Variants in GRM8 observed in about 807,000 individuals in gnomAD.
GRM8 encodes the protein metabotropic glutamate receptor 8.
Under a neutral mutation model 87.2 loss-of-function variants are expected in GRM8, and 47 were observed. The observed-to-expected ratio is 0.54, with a 90% CI of 0.43 to 0.69. GRM8 has a LOEUF of 0.69. GRM8 is among the 30% of genes least tolerant of loss of function. The pLI, the probability that GRM8 is intolerant of heterozygous loss-of-function variation, is 0.00. For missense variants in GRM8, 1,019 were observed against 1,139.2 expected (o/e 0.89, Z 1.52); for synonymous variants, 396 against 404.5 (o/e 0.98, Z 0.25).
chr7:127,024,487 T>C (rs958813620), intron 3 of GRM8, among the ~76,000 whole-genome samples: 8 of 152,058 alleles, frequency 5.3e-5, no homozygotes, highest in African/African-American at 1.9e-4. Context: ...ACTGTGGAAC[T>C]GGGTCTCCCT....
chr7:126,495,685 C>T (rs766240), intron 9 of GRM8, among the ~76,000 whole-genome samples: 48,910 of 151,770 alleles, frequency 0.32, 8,261 homozygotes, highest in South Asian at 0.41. Flanking sequence ...TTTGTAAAGA[C>T]AGCAACTATC....
At chr7:126,813,017 G>A (rs537681703) in intron 6 of GRM8, among the ~76,000 whole-genome samples, 18 of 152,118 alleles carry the variant, frequency 1.2e-4, no homozygotes, top group Middle Eastern at 3.4e-3. Context: ...ACCAGGGGTT[G>A]TAGGGTGGGA....
At chr7:126,504,030 T>A (rs1366420954) in intron 9 of GRM8, among the ~76,000 whole-genome samples, 1 of 152,052 alleles carries the variant, frequency 6.6e-6, no homozygotes, top group African/African-American at 2.4e-5. Flanking sequence ...AATTAGGGGT[T>A]GTTCTGTTAC....
In GRM8 at chr7:127,249,588, C is replaced by T. The variant is rs142327264; in HGVS notation, c.-312+3209G>A. ...TGGGATGAGACAATATTATGCTCAG[C>T]GTCCCTCCCAGTGAGTGGGTGAGTT... On this transcript the variant is annotated intron_variant, in intron 1 of 10. Transcript: ENST00000339582. Among the ~76,000 whole-genome samples, 332 of 152,150 alleles carry T rather than the reference C, an allele frequency of 2.2e-3. 1 individual carries two copies. Among genetic ancestry groups the T allele is most frequent in the Non-Finnish European group, 3.9e-3 (263 of 68,014 alleles).
At chr7:126,834,333 T>A (rs1795655858) in intron 6 of GRM8, among the ~76,000 whole-genome samples, 2 of 152,342 alleles carry the variant, frequency 1.3e-5, no homozygotes, top group South Asian at 4.1e-4. Context: ...CATATCCTAA[T>A]GGAGTCACTC....
In GRM8 at chr7:127,091,301, T is replaced by G. The variant is rs1824039494; in HGVS notation, c.727+15195A>C. 2.0e-5 allele frequency among the ~76,000 whole-genome samples: 3 copies of G among 151,610 alleles called. No individual in the cohort carries two copies. The South Asian group carries it at 6.3e-4, about 32-fold the overall frequency. On this transcript the variant is annotated intron_variant, in intron 3 of 10. Transcript: ENST00000339582. ...CCACTGATCATCCTCCCCATCCCAC[T>G]GGCCATCCCCCAGTTCCACTGATCA...
chr7:126,453,888 G>T (rs1487182988), intron 9 of GRM8, among the ~76,000 whole-genome samples: 1 of 151,618 alleles, frequency 6.6e-6, no homozygotes, highest in Admixed American at 6.6e-5. Context: ...TTAATACAAG[G>T]TGTCTACTCT....
At chr7:126,608,397 C>A (rs978948107) in intron 8 of GRM8, among the ~76,000 whole-genome samples, 1 of 152,168 alleles carries the variant, frequency 6.6e-6, no homozygotes, top group Non-Finnish European at 1.5e-5. Context: ...CAGACTCCAG[C>A]CGAAAGAAAC....
At chr7:127,109,349 TA>T (rs1826130421) in intron 2 of GRM8, among the ~76,000 whole-genome samples, 1 of 152,202 alleles carries the variant, frequency 6.6e-6, no homozygotes, top group South Asian at 2.1e-4. Context: ...GTGTCTTTTA[TA>T]AGCCTCTGTT....
chr7:127,180,898 G>T (rs1041218879), intron 2 of GRM8, among the ~76,000 whole-genome samples: 1 of 151,918 alleles, frequency 6.6e-6, no homozygotes, highest in Non-Finnish European at 1.5e-5. Context: ...TACTAAATGG[G>T]GAAAAGTTGA....
chr7:127,209,877 A>G (rs1796117993), intron 2 of GRM8, among the ~76,000 whole-genome samples: 1 of 152,132 alleles, frequency 6.6e-6, no homozygotes, highest in African/African-American at 2.4e-5. Context: ...CAAATCAGAC[A>G]ACCCCTACCC....
At chr7:126,681,111 GCTCTCTGA>G (rs1367230212) in intron 7 of GRM8, among the ~76,000 whole-genome samples, 28 of 152,170 alleles carry the variant, frequency 1.8e-4, no homozygotes, top group African/African-American at 6.8e-4. Context: ...TAGGCAGCCA[GCTCTCTGA>G]CTCCTTAATC....
intron 3 of GRM8, among the ~76,000 whole-genome samples, chr7:126,957,192 A>G (rs1215193756): frequency 6.6e-6 from 1 of 152,206 alleles, no homozygotes; most frequent in Non-Finnish European, 1.5e-5. Flanking sequence ...ACAGAGTTAA[A>G]AAAAAAATTA....
At position 127,004,541 on chromosome 7, in the gene GRM8, T is replaced by A. The variant is rs1586727834; in HGVS notation, c.728-99858A>T. Reference sequence around the variant, plus strand: ...CAACAAAGCTTCACCGATATTGAGGTAAAAAATAAACCTGTATATTGAAAG... The same window carrying A: ...CAACAAAGCTTCACCGATATTGAGGAAAAAAATAAACCTGTATATTGAAAG... On this transcript the variant is annotated intron_variant, in intron 3 of 10. Coordinates refer to ENST00000339582, the MANE Select transcript of GRM8 (RefSeq NM_000845.3). 4.6e-5 allele frequency among the ~76,000 whole-genome samples: 7 copies of A among 151,572 alleles called. No homozygotes were observed. In the East Asian group the frequency reaches 1.2e-3, roughly 25 times the overall value.
intron 3 of GRM8, among the ~76,000 whole-genome samples, chr7:127,077,894 T>C (rs988327313): frequency 6.6e-5 from 10 of 152,306 alleles, no homozygotes; most frequent in African/African-American, 2.4e-4. Flanking sequence ...CATTTAACAA[T>C]ATCTCAAGAC....
chr7:127,073,349 G>A (rs1821921097), intron 3 of GRM8, among the ~76,000 whole-genome samples: 2 of 152,160 alleles, frequency 1.3e-5, no homozygotes. Context: ...ACAGAGAGAT[G>A]ATCTGCGCCC....
intron 7 of GRM8, among the ~76,000 whole-genome samples, chr7:126,704,907 T>G (rs1810334493): frequency 6.6e-6 from 1 of 152,134 alleles, no homozygotes; most frequent in African/African-American, 2.4e-5. Flanking sequence ...TCCATTTGCC[T>G]TGTGATAGTC....
intron 8 of GRM8, among the ~76,000 whole-genome samples, chr7:126,588,356 G>T (rs1796358682): frequency 6.6e-6 from 1 of 152,032 alleles, no homozygotes; most frequent in Non-Finnish European, 1.5e-5. Flanking sequence ...TGTTGGTGGG[G>T]GTATAAATTA....
At chr7:126,693,857 G>A (rs1809083565) in intron 7 of GRM8, among the ~76,000 whole-genome samples, 1 of 151,940 alleles carries the variant, frequency 6.6e-6, no homozygotes. Context: ...TGAAAAATAT[G>A]TCTCAAGTTA....
Sources: gnomAD v4.1 joint callset for allele counts (sites outside exome capture counted in the v4.1 genomes callset) on GRCh38, gnomAD v4.1.1 for gene constraint, MANE v1.5 for transcripts, NCBI Gene and HGNC (gene_info 2026-07-23, HGNC 2026-07-21) for gene names.